DLEU7: variants seen among roughly 807,000 people sequenced by gnomAD.
DLEU7 encodes the protein leukemia-associated protein 7.
Under a neutral mutation model 16.0 loss-of-function variants are expected in DLEU7, and 17 were observed. The observed-to-expected ratio is 1.06, with a 90% confidence interval of 0.73 to 1.59. DLEU7 has a LOEUF of 1.59. Ranked by LOEUF, DLEU7 falls within the 40% of genes most tolerant of loss-of-function variation. DLEU7 has a pLI of 0.00. For synonymous variants in DLEU7, 113 were observed against 139.8 expected, an observed-to-expected ratio of 0.81 and a Z score of 1.35; for missense variants, 308 against 314.9, an observed-to-expected ratio of 0.98 and a Z score of 0.17.
At chr13:50,795,654 A>G (rs889449780) in intron 1 of DLEU7, among the ~76,000 whole-genome samples, 4 of 152,186 alleles carry the variant, frequency 2.6e-5, no homozygotes, top group Admixed American at 6.5e-5. Flanking sequence ...TCAATAATAT[A>G]TGTATGTTAC....
intron 1 of DLEU7, among the ~76,000 whole-genome samples, chr13:50,784,930 G>C (rs1220791468): frequency 6.6e-6 from 1 of 152,174 alleles, no homozygotes; most frequent in African/African-American, 2.4e-5. Flanking sequence ...TCTTACTGAA[G>C]AGAGTCTGGG....
chr13:50,833,180 A>G (rs1029399709), intron 1 of DLEU7, among the ~76,000 whole-genome samples: 1 of 152,210 alleles, frequency 6.6e-6, no homozygotes, highest in Non-Finnish European at 1.5e-5. Context: ...TCAACATAGT[A>G]TTGGAAGTTC....
intron 1 of DLEU7, among the ~76,000 whole-genome samples, chr13:50,727,654 C>T (rs186632279): frequency 7.9e-5 from 12 of 152,282 alleles, no homozygotes; most frequent in African/African-American, 2.9e-4. Context: ...GTTGGGAATA[C>T]CTCCAGGGTT....
intron 1 of DLEU7, among the ~76,000 whole-genome samples, chr13:50,793,142 C>T (rs1230827236): frequency 2.0e-5 from 3 of 151,958 alleles, no homozygotes; most frequent in Admixed American, 6.6e-5. Context: ...TGGTTTTTTG[C>T]TTCCACATTA....
chr13:50,782,057 C>T (rs753118630), intron 1 of DLEU7, among the ~76,000 whole-genome samples: 3 of 152,112 alleles, frequency 2.0e-5, no homozygotes, highest in African/African-American at 7.2e-5. Flanking sequence ...ATCTCTTTCC[C>T]CCATACCCCC....
chr13:50,785,969 T>G (rs1688452283), intron 1 of DLEU7, among the ~76,000 whole-genome samples: 1 of 152,132 alleles, frequency 6.6e-6, no homozygotes, highest in Admixed American at 6.6e-5. Context: ...TCATAATTGC[T>G]TGAACAGACT....
rs1421048396 is a variant in DLEU7, at chr13:50,724,045, T to C, written c.460-10805A>G. ...ACTGAGCATGTACTACCATTGTGTT[T>C]ATAAAATATTAAATTTTTAAAAGAA... On this transcript the variant is annotated intron_variant, in intron 1 of 1. Coordinates refer to the DLEU7 transcript ENST00000400393. Among the ~76,000 whole-genome samples the C allele has an allele frequency of 3.9e-5, 6 of 152,138 alleles. No homozygotes were observed. In the South Asian group the frequency reaches 1.0e-3, roughly 26 times the overall value.
chr13:50,727,340 T>C (rs1873793210), intron 1 of DLEU7, among the ~76,000 whole-genome samples: 1 of 152,070 alleles, frequency 6.6e-6, no homozygotes, highest in Admixed American at 6.6e-5. Flanking sequence ...TTTCTCTGTT[T>C]TTAGTAAGCA....
chr13:50,832,493 T>C (rs961146200), intron 1 of DLEU7, among the ~76,000 whole-genome samples: 1 of 152,232 alleles, frequency 6.6e-6, no homozygotes, highest in Non-Finnish European at 1.5e-5. Context: ...AGTTCTGCTC[T>C]AATTGTAGTT....
chr13:50,797,356 A>G (rs1876132879), intron 1 of DLEU7, among the ~76,000 whole-genome samples: 1 of 152,180 alleles, frequency 6.6e-6, no homozygotes, highest in Admixed American at 6.5e-5. Flanking sequence ...TCTTGAGAGA[A>G]ATCTAATCTT....
At chr13:50,759,324 T>G (rs1269372405) in intron 1 of DLEU7, among the ~76,000 whole-genome samples, 1 of 152,232 alleles carries the variant, frequency 6.6e-6, no homozygotes, top group East Asian at 1.9e-4. Context: ...TTATGGGTCT[T>G]GGTTCCTTCA....
At chr13:50,738,358 T>C (rs564743023) in intron 1 of DLEU7, among the ~76,000 whole-genome samples, 7 of 152,260 alleles carry the variant, frequency 4.6e-5, no homozygotes, top group African/African-American at 1.4e-4. Context: ...TCACAAGATA[T>C]TTTTTGGGAG....
At chr13:50,822,692 AT>A (rs1231614377), downstream of DLEU7, 1 of 985,212 alleles carries the variant, frequency 1.0e-6, no homozygotes, top group Admixed American at 6.2e-5. Context: ...TTGGTACTTC[AT>A]AGCTCACTAT....
chr13:50,713,432 G>A (rs1200536322), intron 1 of DLEU7, among the ~76,000 whole-genome samples: 2 of 152,134 alleles, frequency 1.3e-5, no homozygotes, highest in East Asian at 3.8e-4. Context: ...TGCATAGAAG[G>A]ACCCTAATTT....
chr13:50,788,720 G>A (rs1250837366), intron 1 of DLEU7, among the ~76,000 whole-genome samples: 1 of 152,182 alleles, frequency 6.6e-6, no homozygotes, highest in East Asian at 1.9e-4. Flanking sequence ...ATGTTCAAAT[G>A]TGGAAGTGAT....
At chr13:50,767,933 C>A (rs1237491964) in intron 1 of DLEU7, among the ~76,000 whole-genome samples, 1 of 152,184 alleles carries the variant, frequency 6.6e-6, no homozygotes. Flanking sequence ...GTCAGCAGTC[C>A]CACGGGACAA....
intron 1 of DLEU7, among the ~76,000 whole-genome samples, chr13:50,789,949 T>C (rs532104578): frequency 2.0e-5 from 3 of 150,166 alleles, no homozygotes; most frequent in Non-Finnish European, 3.0e-5. Context: ...TTCTTTCTTT[T>C]TTTTTTTTTT....
At position 50,800,607 on chromosome 13, in the gene DLEU7, A is replaced by G. The variant is rs992837652; in HGVS notation, c.459+42581T>C. ...AATAGAACCTCAGGGGTTTTCCCGCACATTAAAACTTCTGCCCATCCTCCC... is the reference window on the plus strand; with the variant it reads ...AATAGAACCTCAGGGGTTTTCCCGCGCATTAAAACTTCTGCCCATCCTCCC... On this transcript the variant is annotated intron_variant, in intron 1 of 1. Transcript: ENST00000400393. 2.0e-5 allele frequency among the ~76,000 whole-genome samples: 3 copies of G among 152,116 alleles called. No individual in the cohort carries two copies. In the East Asian group the frequency reaches 5.8e-4, roughly 29 times the overall value.
chr13:50,793,091 C>T (rs1397272874), intron 1 of DLEU7, among the ~76,000 whole-genome samples: 2 of 151,984 alleles, frequency 1.3e-5, no homozygotes, highest in Non-Finnish European at 2.9e-5. Flanking sequence ...CATATGTACC[C>T]AATGTTTAGC....
Sources: allele counts gnomAD v4.1 joint callset (sites outside exome capture counted in the v4.1 genomes callset), GRCh38; gene constraint gnomAD v4.1.1; transcripts MANE v1.5; gene names NCBI Gene and HGNC (gene_info 2026-07-23, HGNC 2026-07-21).